The following PDZD2 variants were observed in gnomAD, a reference collection of about 807,000 sequenced individuals.
PDZD2 encodes the protein PDZ domain-containing protein 2.
A neutral mutation model predicts 220.7 loss-of-function variants in PDZD2; 90 were observed. The ratio of observed to expected loss-of-function variants is 0.41; its 90% CI spans 0.34 to 0.49. The LOEUF (loss-of-function observed/expected upper bound fraction) is 0.49, where lower values mean the gene tolerates loss of function less well. Among genes scored for constraint, PDZD2 ranks in the 20% least tolerant of loss-of-function variants. The pLI is 0.28. For missense variants in PDZD2, 3,174 were observed against 3,608.5 expected (o/e 0.88, Z 3.08); for synonymous variants, 1,375 against 1,450.5 (o/e 0.95, Z 1.18).
At chr5:32,026,451 A>G (rs1354814649) in intron 6 of PDZD2, among the ~76,000 whole-genome samples, 2 of 152,106 alleles carry the variant, frequency 1.3e-5, no homozygotes, top group African/African-American at 4.8e-5. Flanking sequence ...TGTACTTCTT[A>G]GGGCTCTTTT....
intron 1 of PDZD2, among the ~76,000 whole-genome samples, chr5:31,777,569 C>G (rs1004987353): frequency 3.3e-5 from 5 of 152,404 alleles, no homozygotes; most frequent in African/African-American, 1.2e-4. Context: ...CTAGATGAAG[C>G]CAGCTGGGCT....
rs1022822927 is a variant in PDZD2, at chr5:32,053,848, A to G, written c.1865A>G (p.Asn622Ser). ...ATTTTTGTCAAGACCATCTTCCCAAATGGATCAGCTGCAGAGGACGGAAGA... is the reference window on the plus strand; with the variant it reads ...ATTTTTGTCAAGACCATCTTCCCAAGTGGATCAGCTGCAGAGGACGGAAGA... ...MGIFVKTIFP[N>S]GSAAEDGRLK... Residue 622 changes from asparagine (N) to serine (S), a missense_variant, in exon 10 of 25, where the codon AAT becomes AGT. Asn to Ser is a conservative substitution (Grantham distance 46). Around this residue, in one of 4 missense-constraint regions of PDZD2, gnomAD observed 50 missense variants for 109.5 expected, o/e 0.46. Coordinates refer to ENST00000438447, the MANE Select transcript of PDZD2 (RefSeq NM_178140.4). 6.2e-7 allele frequency: 1 copy of G among 1,611,290 alleles called. No homozygotes were observed. Among genetic ancestry groups the G allele is most frequent in the East Asian group, 2.2e-5 (1 of 44,872 alleles).
chr5:32,101,201 C>T lies in PDZD2; in HGVS notation c.8315C>T (p.Thr2772Met), dbSNP rs772839145. The T allele has an allele frequency of 9.9e-6, 16 of 1,613,766 alleles. No individual in the cohort carries two copies. Among genetic ancestry groups the T allele is most frequent in the Middle Eastern group, 1.6e-4 (1 of 6,080 alleles). The stretch of plus-strand genomic sequence containing the variant: ...CTGGATGGGGGAAAATCATCGGTGA[C>T]GGGAGATGGGCCCTTGGTCATTAAA... ...LSLDGGKSSV[T>M]GDGPLVIKRV... The change falls in exon 24 of 25, where the codon ACG (threonine) becomes ATG (methionine). Residue 2772 changes from threonine to methionine, a missense_variant. Transcript: ENST00000438447.
At chr5:31,769,703 C>G (rs1214389977) in intron 1 of PDZD2, among the ~76,000 whole-genome samples, 11 of 152,150 alleles carry the variant, frequency 7.2e-5, no homozygotes. Flanking sequence ...TTTGGAAGTG[C>G]CTGAGTGGGT....
At chr5:31,648,719 G>A (rs1019058568) in intron 1 of PDZD2, among the ~76,000 whole-genome samples, 2 of 150,948 alleles carry the variant, frequency 1.3e-5, no homozygotes, top group Non-Finnish European at 3.0e-5. Flanking sequence ...CAGCCAAATT[G>A]AGAAGAAATT....
chr5:31,975,722 CCTTT>C (rs1016517288), intron 2 of PDZD2, among the ~76,000 whole-genome samples: 11 of 151,778 alleles, frequency 7.2e-5, no homozygotes, highest in Non-Finnish European at 1.6e-4. Flanking sequence ...GCTCTCTCTC[CCTTT>C]CTTTATTAGC....
chr5:31,729,516 G>A (rs1343083450), intron 1 of PDZD2, among the ~76,000 whole-genome samples: 1 of 152,206 alleles, frequency 6.6e-6, no homozygotes, highest in Non-Finnish European at 1.5e-5. Flanking sequence ...AGATCACACT[G>A]CCTGTATAGG....
At chr5:32,008,186 A>G (rs1315614422) in intron 5 of PDZD2, among the ~76,000 whole-genome samples, 1 of 150,882 alleles carries the variant, frequency 6.6e-6, no homozygotes, top group Non-Finnish European at 1.5e-5. Flanking sequence ...GTCTTATTCC[A>G]TGTATTTTTG....
Position 31,799,000 on chromosome 5 carries a change from A to T in PDZD2, c.-249A>T. ...TGAACCTGGCAGGGACTTGTTAGAC[A>T]CTTCCTTCCTTCCCTCATTGAGCAC... is the stretch of plus-strand genomic sequence containing the variant. On this transcript the variant is annotated 5_prime_UTR_variant, in exon 2 of 25. Coordinates refer to ENST00000438447, the MANE Select transcript of PDZD2 (RefSeq NM_178140.4). The T allele has an allele frequency of 6.1e-6, 3 of 488,686 alleles. No individual in the cohort carries two copies. The highest frequency in any genetic ancestry group is 7.3e-6 in the Non-Finnish European group (2 of 275,616). 30.3% of individuals were successfully genotyped at this position (488,686 alleles called of 1,614,324 possible).
intron 1 of PDZD2, among the ~76,000 whole-genome samples, chr5:31,702,333 G>T (rs1259105042): frequency 6.6e-6 from 1 of 152,186 alleles, no homozygotes; most frequent in African/African-American, 2.4e-5. Flanking sequence ...AACTACTATA[G>T]CTGTTAAGCG....
chr5:31,823,341 A>G (rs370830996), intron 2 of PDZD2, among the ~76,000 whole-genome samples: 3 of 151,848 alleles, frequency 2.0e-5, no homozygotes, highest in East Asian at 1.9e-4. Context: ...GGTGGCGTGC[A>G]CCTGTAATCC....
chr5:31,924,780 C>T (rs1219821150), intron 2 of PDZD2, among the ~76,000 whole-genome samples: 1 of 152,194 alleles, frequency 6.6e-6, no homozygotes, highest in East Asian at 1.9e-4. Context: ...TCTTAGAGCT[C>T]CCAGAGCCTT....
At chr5:31,751,173 G>A (rs570225564) in intron 1 of PDZD2, among the ~76,000 whole-genome samples, 56 of 151,790 alleles carry the variant, frequency 3.7e-4, no homozygotes, top group Admixed American at 1.4e-3. Context: ...CCCGGGAGGC[G>A]GAGATTGCAG....
At chr5:32,058,615 A>G (rs551838934) in intron 12 of PDZD2, among the ~76,000 whole-genome samples, 3 of 149,068 alleles carry the variant, frequency 2.0e-5, no homozygotes, top group Admixed American at 6.7e-5. Flanking sequence ...CAGAGGTTGC[A>G]GTGAGCCGAG....
At chr5:32,072,699 A>G (rs754036335) in intron 17 of PDZD2, among the ~76,000 whole-genome samples, 7 of 152,112 alleles carry the variant, frequency 4.6e-5, no homozygotes, top group Non-Finnish European at 8.8e-5. Flanking sequence ...CCATTAGACA[A>G]TGCTGTACCC....
At chr5:31,820,929 C>G (rs1228149067) in intron 2 of PDZD2, among the ~76,000 whole-genome samples, 1 of 145,288 alleles carries the variant, frequency 6.9e-6, no homozygotes, top group Admixed American at 6.8e-5. Context: ...TTTTTTTTTT[C>G]TATTTTATTT....
At chr5:32,039,058 G>A (rs1246705303) in intron 7 of PDZD2, among the ~76,000 whole-genome samples, 2 of 151,992 alleles carry the variant, frequency 1.3e-5, no homozygotes, top group African/African-American at 4.8e-5. Context: ...GCAGGTTTAA[G>A]ACGGTGAAAT....
intron 3 of PDZD2, among the ~76,000 whole-genome samples, chr5:31,987,972 T>C (rs111468111): frequency 0.013 from 2,032 of 152,306 alleles, 56 homozygotes; most frequent in African/African-American, 0.046. Flanking sequence ...TCAACCTGCC[T>C]CTCTCTTTAC....
chr5:31,925,492 C>G (rs1744670933), intron 2 of PDZD2, among the ~76,000 whole-genome samples: 1 of 152,058 alleles, frequency 6.6e-6, no homozygotes, highest in African/African-American at 2.4e-5. Context: ...AATGTAAGAC[C>G]TCAAACAGTA....
Sources: allele counts gnomAD v4.1 joint callset (sites outside exome capture counted in the v4.1 genomes callset), GRCh38; gene constraint gnomAD v4.1.1; regional missense constraint gnomAD v4.1.1; transcripts MANE v1.5; gene names NCBI Gene and HGNC (gene_info 2026-07-23, HGNC 2026-07-21).